Variants in DLG2 observed in about 807,000 individuals in gnomAD.
DLG2 encodes the protein disks large homolog 2.
A neutral mutation model predicts 132.5 loss-of-function variants in DLG2; 45 were observed. The observed-to-expected ratio is 0.34, with a 90% CI of 0.27 to 0.44. The LOEUF (loss-of-function observed/expected upper bound fraction) is 0.44, where lower values mean the gene tolerates loss of function less well. Among genes scored for constraint, DLG2 ranks in the 20% least tolerant of loss-of-function variants. DLG2 has a pLI of 1.00. For synonymous variants in DLG2, 424 were observed against 419.6 expected, an observed-to-expected ratio of 1.01 and a Z score of -0.13; for missense variants, 1,045 against 1,196.9, an observed-to-expected ratio of 0.87 and a Z score of 1.87.
At chr11:85,389,341 T>G (rs2086609103) in intron 3 of DLG2, among the ~76,000 whole-genome samples, 1 of 152,082 alleles carries the variant, frequency 6.6e-6, no homozygotes. Context: ...GAACAAAGCC[T>G]CCAAGAAGTT....
At chr11:84,051,288 G>A (rs1381629079) in intron 11 of DLG2, among the ~76,000 whole-genome samples, 1 of 151,820 alleles carries the variant, frequency 6.6e-6, no homozygotes, top group Non-Finnish European at 1.5e-5. Context: ...ATACCCAAAG[G>A]ATTATAAATC....
intron 6 of DLG2, among the ~76,000 whole-genome samples, chr11:84,728,651 T>G (rs933310458): frequency 3.3e-5 from 5 of 152,198 alleles, no homozygotes; most frequent in Non-Finnish European, 5.9e-5. Context: ...TTTGGAATAG[T>G]TTCAGAAGGA....
At chr11:84,983,882 A>C (rs1426181025) in intron 6 of DLG2, among the ~76,000 whole-genome samples, 1 of 152,062 alleles carries the variant, frequency 6.6e-6, no homozygotes, top group Non-Finnish European at 1.5e-5. Context: ...AGAATCGAAG[A>C]AGCAGAAGAA....
intron 18 of DLG2, among the ~76,000 whole-genome samples, chr11:83,740,088 C>T (rs2092381817): frequency 6.6e-6 from 1 of 152,150 alleles, no homozygotes; most frequent in South Asian, 2.1e-4. Flanking sequence ...GAAGTAAATT[C>T]ATCTTCACTT....
At chr11:84,824,281 G>C (rs1213571300) in intron 6 of DLG2, among the ~76,000 whole-genome samples, 1 of 151,860 alleles carries the variant, frequency 6.6e-6, no homozygotes, top group African/African-American at 2.4e-5. Context: ...TTCTATACTA[G>C]GTGCTATGGA....
chr11:85,389,243 G>A (rs1426914014), intron 3 of DLG2, among the ~76,000 whole-genome samples: 2 of 152,088 alleles, frequency 1.3e-5, no homozygotes, highest in Non-Finnish European at 2.9e-5. Flanking sequence ...AATTGAACAA[G>A]TAGAAGAAAG....
chr11:84,573,464 T>C (rs1247939521), intron 6 of DLG2, among the ~76,000 whole-genome samples: 1 of 152,158 alleles, frequency 6.6e-6, no homozygotes, highest in Non-Finnish European at 1.5e-5. Flanking sequence ...TATTGCTTCT[T>C]ATTGAAATAA....
intron 9 of DLG2, among the ~76,000 whole-genome samples, chr11:84,162,891 C>T (rs1311253163): frequency 1.8e-4 from 27 of 151,964 alleles, no homozygotes; most frequent in Admixed American, 1.8e-3. Context: ...GGTCTTTGGC[C>T]TTTCTCTTAT....
chr11:85,083,857 C>G (rs1039424320), intron 6 of DLG2, among the ~76,000 whole-genome samples: 1 of 151,964 alleles, frequency 6.6e-6, no homozygotes, highest in African/African-American at 2.4e-5. Flanking sequence ...TGCCTAAATT[C>G]TAAGGGGAGG....
chr11:83,839,762 C>G (rs915003510), intron 16 of DLG2, among the ~76,000 whole-genome samples: 2 of 152,166 alleles, frequency 1.3e-5, no homozygotes, highest in African/African-American at 4.8e-5. Flanking sequence ...AAACCATTGA[C>G]ACTCAAAGAT....
At chr11:84,932,243 T>C (rs879530767) in intron 6 of DLG2, among the ~76,000 whole-genome samples, 1 of 152,196 alleles carries the variant, frequency 6.6e-6, no homozygotes, top group Non-Finnish European at 1.5e-5. Flanking sequence ...AGGGTTTTTA[T>C]AATTTTAGGT....
chr11:84,177,009 T>A (rs2095990289), intron 8 of DLG2, among the ~76,000 whole-genome samples: 1 of 152,116 alleles, frequency 6.6e-6, no homozygotes, highest in Non-Finnish European at 1.5e-5. Flanking sequence ...TTCACTTGCA[T>A]TCTATTAATT....
At chr11:84,760,694 T>C (rs1302669554) in intron 6 of DLG2, among the ~76,000 whole-genome samples, 1 of 152,172 alleles carries the variant, frequency 6.6e-6, no homozygotes, top group Admixed American at 6.5e-5. Flanking sequence ...ACAGGGACAA[T>C]AACTTGTTTT....
intron 4 of DLG2, among the ~76,000 whole-genome samples, chr11:85,181,198 ATATATG>A (rs755427341): frequency 3.2e-4 from 48 of 151,470 alleles, no homozygotes; most frequent in African/African-American, 5.1e-4. Flanking sequence ...TTCTCTCCAT[ATATATG>A]TATATGTATA....
intron 7 of DLG2, among the ~76,000 whole-genome samples, chr11:84,488,323 G>A (rs1177474714): frequency 6.6e-6 from 1 of 152,138 alleles, no homozygotes; most frequent in Non-Finnish European, 1.5e-5. Flanking sequence ...CTGGGAGGTG[G>A]TAGGAGAATA....
chr11:85,183,064 C>T (rs1214058869), intron 4 of DLG2, among the ~76,000 whole-genome samples: 1 of 151,656 alleles, frequency 6.6e-6, no homozygotes. Context: ...ATTCTGGAGG[C>T]AAAACATTCT....
At chr11:84,094,658 T>C (rs2097142123) in intron 10 of DLG2, among the ~76,000 whole-genome samples, 2 of 152,196 alleles carry the variant, frequency 1.3e-5, no homozygotes, top group African/African-American at 4.8e-5. Flanking sequence ...AGGAAGCTTT[T>C]ATGAGGGCAC....
Position 83,859,444 on chromosome 11 carries a change from C to G in DLG2, c.1565+14976G>C, listed in dbSNP as rs377591795. Among the ~76,000 whole-genome samples, 12 of 152,240 alleles carry G rather than the reference C, an allele frequency of 7.9e-5. No homozygotes were observed. The East Asian group carries it at 9.7e-4, about 12-fold the overall frequency. The stretch of plus-strand genomic sequence containing the variant: ...AAGGTAACTCCTTGTTATGTTTTAG[C>G]AAAGAGACTGGAGGCATTTTGCCCC... On this transcript the variant is annotated intron_variant, in intron 16 of 27. Transcript: ENST00000376104.
intron 6 of DLG2, among the ~76,000 whole-genome samples, chr11:84,815,088 T>C (rs2076959217): frequency 6.6e-6 from 1 of 152,070 alleles, no homozygotes; most frequent in East Asian, 1.9e-4. Flanking sequence ...GAAAGTCTCA[T>C]GATCTCAAAT....
Sources: gnomAD v4.1 joint callset for allele counts (sites outside exome capture counted in the v4.1 genomes callset) on GRCh38, gnomAD v4.1.1 for gene constraint, MANE v1.5 for transcripts, NCBI Gene and HGNC (gene_info 2026-07-23, HGNC 2026-07-21) for gene names.